CTBP2: variants seen among roughly 807,000 people sequenced by gnomAD.
CTBP2 encodes the protein C-terminal binding protein 2, also known as C-terminal-binding protein 2.
In CTBP2, 30 loss-of-function variants were observed where a neutral mutation model predicts 80.3. The ratio of observed to expected loss-of-function variants is 0.37; its 90% CI spans 0.28 to 0.51. The LOEUF is 0.51. Ranked by LOEUF, CTBP2 falls within the 20% of genes least tolerant of loss-of-function variation. The pLI, the probability that CTBP2 is intolerant of heterozygous loss-of-function variation, is 0.93. For synonymous variants in CTBP2, 594 were observed against 587.4 expected (o/e 1.01, Z -0.16); for missense variants, 1,212 against 1,375.3 (o/e 0.88, Z 1.88).
chr10:125,040,599 T>TACACACACACACACACACACACACACAC (rs59512017), intron 2 of CTBP2, among the ~76,000 whole-genome samples: 13 of 146,082 alleles, frequency 8.9e-5, no homozygotes, highest in African/African-American at 3.3e-4. Context: ...CACAACCACA[T>TACACACACACACACACACACACACACAC]ACACACACAC....
intron 1 of CTBP2, among the ~76,000 whole-genome samples, chr10:125,123,042 C>CGGAT (rs1854597973): frequency 6.6e-6 from 1 of 152,158 alleles, no homozygotes; most frequent in Non-Finnish European, 1.5e-5. Context: ...AGATGGTGAA[C>CGGAT]GGATTAGTGG....
chr10:125,143,403 G>A (rs112482014), intron 1 of CTBP2, among the ~76,000 whole-genome samples: 2 of 152,110 alleles, frequency 1.3e-5, no homozygotes, highest in Non-Finnish European at 2.9e-5. Flanking sequence ...GCTTGAACCC[G>A]GGAGGCAGAG....
At chr10:125,098,981 C>T (rs907522810) in intron 2 of CTBP2, among the ~76,000 whole-genome samples, 1 of 152,198 alleles carries the variant, frequency 6.6e-6, no homozygotes, top group African/African-American at 2.4e-5. Context: ...GCTCACCTGA[C>T]TGAGCATTTA....
At chr10:125,151,386 TCTG>T (rs1859840969) in intron 1 of CTBP2, among the ~76,000 whole-genome samples, 1 of 152,062 alleles carries the variant, frequency 6.6e-6, no homozygotes, top group Non-Finnish European at 1.5e-5. Flanking sequence ...GACGTGGAGT[TCTG>T]CTGAAGGTCT....
chr10:125,083,926 T>G (rs1405251302), intron 2 of CTBP2, among the ~76,000 whole-genome samples: 1 of 152,104 alleles, frequency 6.6e-6, no homozygotes, highest in Non-Finnish European at 1.5e-5. Context: ...ATTAGAGGCA[T>G]GCGCCACCAC....
chr10:125,092,242 C>CATGATCTCT (rs1200992382), intron 2 of CTBP2, among the ~76,000 whole-genome samples: 1 of 137,060 alleles, frequency 7.3e-6, no homozygotes, highest in African/African-American at 2.8e-5. Flanking sequence ...AGTACAGTGG[C>CATGATCTCT]ATGATCTCTA....
At chr10:125,018,012 C>G (rs1956665535) in intron 1 of CTBP2, among the ~76,000 whole-genome samples, 1 of 152,242 alleles carries the variant, frequency 6.6e-6, no homozygotes, top group South Asian at 2.1e-4. Context: ...CTTGCTGACA[C>G]AGACCTTGGC....
intron 1 of CTBP2, among the ~76,000 whole-genome samples, chr10:125,139,957 G>A (rs1000200493): frequency 1.3e-5 from 2 of 151,938 alleles, no homozygotes; most frequent in Non-Finnish European, 2.9e-5. Context: ...ACACACATTC[G>A]CAACTTCCAC....
chr10:124,993,091 C>G, intron 7 of CTBP2, 111 bp downstream of exon 9: 1 of 1,359,870 alleles, frequency 7.4e-7, no homozygotes, highest in South Asian at 1.5e-5. Flanking sequence ...AAATTTGATG[C>G]TAAAAGTGAA....
chr10:125,001,029 T>C (rs913757768), intron 3 of CTBP2: 12 of 152,360 alleles, frequency 7.9e-5, no homozygotes, highest in Admixed American at 7.2e-4. Flanking sequence ...AAAACCGCAG[T>C]CCCTGGTCCT....
At chr10:124,992,209 C>CTTTTTTTTTT (rs61400691) in intron 8 of CTBP2, among the ~76,000 whole-genome samples, 1 of 102,496 alleles carries the variant, frequency 9.8e-6, no homozygotes, top group Admixed American at 1.3e-4. Context: ...TTGAGAAGCC[C>CTTTTTTTTTT]TTTTTTTTTT....
At chr10:124,992,946 A>T in intron 7 of CTBP2, 134 bp from the exon 10 acceptor site, 1 of 860,906 alleles carries the variant, frequency 1.2e-6, no homozygotes, top group Non-Finnish European at 1.8e-6. Context: ...CAAGTGCTTG[A>T]GCTCTTCAAC....
intron 8 of CTBP2, among the ~76,000 whole-genome samples, chr10:124,991,892 A>T (rs188490408): frequency 6.2e-5 from 1 of 16,026 alleles, no homozygotes; most frequent in African/African-American, 1.4e-4. Context: ...GCCAGCAATA[A>T]TGGGGGGGGG....
chr10:125,156,398 CTT>C (rs1860921059), intron 1 of CTBP2, among the ~76,000 whole-genome samples: 1 of 152,224 alleles, frequency 6.6e-6, no homozygotes, highest in African/African-American at 2.4e-5. Flanking sequence ...GCTGTAAACT[CTT>C]TAAATTTTTT....
chr10:125,090,285 C>CAAAAAAAAAAAAAA (rs56714830), intron 2 of CTBP2, among the ~76,000 whole-genome samples: 938 of 65,008 alleles, frequency 0.014, 61 homozygotes, highest in African/African-American at 0.031. Context: ...GTCCCTGGCT[C>CAAAAAAAAAAAAAA]AAAAAAAAAA....
chr10:125,132,232 GTTC>G (rs1201783118), intron 1 of CTBP2, among the ~76,000 whole-genome samples: 2 of 151,818 alleles, frequency 1.3e-5, no homozygotes, highest in Non-Finnish European at 1.5e-5. Context: ...ACAGGTTCAT[GTTC>G]TTCAAGTCTA....
chr10:125,046,135 G>A (rs989046535), intron 2 of CTBP2, among the ~76,000 whole-genome samples: 1 of 152,086 alleles, frequency 6.6e-6, no homozygotes, highest in Non-Finnish European at 1.5e-5. Flanking sequence ...AAATGCCTGT[G>A]CCAGAACAGA....
At chr10:124,993,113 G>A (rs545718731) in intron 7 of CTBP2, 89 bp downstream of exon 9, 46 of 1,485,614 alleles carry the variant, frequency 3.1e-5, no homozygotes, top group African/African-American at 1.5e-4. Flanking sequence ...TCTACCTGTC[G>A]AGAGCTGCCT....
intron 1 of CTBP2, chr10:125,026,019 C>T: frequency 6.6e-7 from 1 of 1,514,962 alleles, no homozygotes; most frequent in Non-Finnish European, 8.8e-7. Flanking sequence ...CAAACTTCTA[C>T]AACCCCGCAC....
Sources: gnomAD v4.1 joint callset for allele counts (sites outside exome capture counted in the v4.1 genomes callset) on GRCh38, gnomAD v4.1.1 for gene constraint, MANE v1.5 for transcripts, NCBI Gene and HGNC (gene_info 2026-07-23, HGNC 2026-07-21) for gene names.